CTTNBP2NL: variants seen among roughly 807,000 people sequenced by gnomAD.
CTTNBP2NL encodes CTTNBP2 N-terminal like, also known as CTTNBP2 N-terminal-like protein.
Under a neutral mutation model 32.5 loss-of-function variants are expected in CTTNBP2NL, and 16 were observed. That is an observed-to-expected ratio of 0.49 (90% CI 0.33 to 0.75). CTTNBP2NL has a LOEUF of 0.75. Among genes scored for constraint, CTTNBP2NL ranks in the 30% least tolerant of loss-of-function variants. The pLI is 0.02. For missense variants in CTTNBP2NL, 645 were observed against 756.0 expected, an observed-to-expected ratio of 0.85 and a Z score of 1.72; for synonymous variants, 298 against 289.4, an observed-to-expected ratio of 1.03 and a Z score of -0.30.
At chr1:112,432,645 A>G (rs566015550) in intron 3 of CTTNBP2NL, among the ~76,000 whole-genome samples, 30 of 151,538 alleles carry the variant, frequency 2.0e-4, no homozygotes, top group Non-Finnish European at 2.2e-4. Context: ...CTTCATGACC[A>G]TACTCCATCA....
intron 3 of CTTNBP2NL, among the ~76,000 whole-genome samples, chr1:112,432,708 A>C (rs1649603862): frequency 6.7e-6 from 1 of 150,228 alleles, no homozygotes; most frequent in African/African-American, 2.5e-5. Context: ...TAATACTACT[A>C]CTTATTTTTG....
rs1557890242 is a variant in CTTNBP2NL at position 112,425,991 on chromosome 1, G to GTGTGTGTGTGTGTGTGTGTT, written c.99+9740_99+9741insGTGTGTTTGTGTGTGTGTGT. Among the ~76,000 whole-genome samples the GTGTGTGTGTGTGTGTGTGTT allele has an allele frequency of 8.9e-5, 12 of 134,916 alleles. 1 individual carries two copies. Among genetic ancestry groups the GTGTGTGTGTGTGTGTGTGTT allele is most frequent in the Non-Finnish European group, 1.3e-4 (8 of 60,238 alleles). The allele number at this position is 134,916 out of a possible 152,430, so 88.5% of individuals were successfully genotyped here. On this transcript the variant is annotated intron_variant, in intron 3 of 5. Transcript: ENST00000271277. ...TGTGTGTGTGTGTGTGTGTGTGTGT[G>GTGTGTGTGTGTGTGTGTGTT]TGTGTGTGTGTGTCTGTCTGTCTTA...
At chr1:112,407,783 A>T (rs1648711697) in intron 1 of CTTNBP2NL, among the ~76,000 whole-genome samples, 3 of 150,934 alleles carry the variant, frequency 2.0e-5, no homozygotes, top group African/African-American at 7.3e-5. Context: ...ATCAGTTATT[A>T]TACCTTGATT....
At chr1:112,435,665 C>T (rs1201825957) in intron 3 of CTTNBP2NL, among the ~76,000 whole-genome samples, 3 of 152,050 alleles carry the variant, frequency 2.0e-5, no homozygotes, top group Admixed American at 6.5e-5. Flanking sequence ...GCATTGTGTT[C>T]GTTCTTTATT....
At chr1:112,452,907 G>A (rs1022886622) in intron 4 of CTTNBP2NL, among the ~76,000 whole-genome samples, 1 of 151,470 alleles carries the variant, frequency 6.6e-6, no homozygotes, top group East Asian at 1.9e-4. Flanking sequence ...AGGACCACTT[G>A]AGTCCAGGTG....
At chr1:112,429,252 G>A (rs1300734549) in intron 3 of CTTNBP2NL, among the ~76,000 whole-genome samples, 1 of 152,182 alleles carries the variant, frequency 6.6e-6, no homozygotes, top group Non-Finnish European at 1.5e-5. Context: ...GATAAAATGT[G>A]TTTCATTAAA....
chr1:112,420,110 G>A (rs1649180277), intron 3 of CTTNBP2NL, among the ~76,000 whole-genome samples: 1 of 149,826 alleles, frequency 6.7e-6, no homozygotes. Context: ...GTGACCATTT[G>A]TGGCCACATT....
intron 1 of CTTNBP2NL, among the ~76,000 whole-genome samples, chr1:112,398,834 A>C (rs1282094078): frequency 6.6e-6 from 1 of 151,716 alleles, no homozygotes; most frequent in Non-Finnish European, 1.5e-5. Flanking sequence ...AAAAAAAAAA[A>C]AAGTTAAAAA....
At chr1:112,393,707 ACT>A (rs1418215842), upstream of CTTNBP2NL, among the ~76,000 whole-genome samples, 1 of 152,072 alleles carries the variant, frequency 6.6e-6, no homozygotes, top group Non-Finnish European at 1.5e-5. Flanking sequence ...CACCCTCAAG[ACT>A]CTGAATCCTA....
At chr1:112,413,912 A>G (rs6666369) in intron 2 of CTTNBP2NL, among the ~76,000 whole-genome samples, 85,062 of 151,564 alleles carry the variant, frequency 0.56, 24,809 homozygotes, top group South Asian at 0.71. Context: ...GCTGGGCATG[A>G]TGGCATGTGC....
intron 3 of CTTNBP2NL, among the ~76,000 whole-genome samples, chr1:112,422,305 T>C (rs1475910121): frequency 1.3e-5 from 2 of 152,248 alleles, no homozygotes; most frequent in Non-Finnish European, 2.9e-5. Context: ...CATGTCGTTG[T>C]GTATATTGAT....
chr1:112,425,985 GTGTGTGTGTGTGTGTGTGTC>G lies in CTTNBP2NL; in HGVS notation c.99+9725_99+9744del, dbSNP rs1432910244. Among the ~76,000 whole-genome samples, 110 of 128,522 alleles carry G rather than the reference GTGTGTGTGTGTGTGTGTGTC, an allele frequency of 8.6e-4. 1 individual carries two copies. The highest frequency in any genetic ancestry group is 2.4e-3 in the African/African-American group (93 of 39,174). 84.3% of individuals were successfully genotyped at this position (128,522 alleles called of 152,430 possible). A position where few individuals can be genotyped will look rare whatever the true frequency, so the allele number is the denominator to read the frequency against. On this transcript the variant is annotated intron_variant, in intron 3 of 5. Coordinates refer to ENST00000271277, the MANE Select transcript of CTTNBP2NL (RefSeq NM_018704.3). Reference sequence around the variant, plus strand: ...TGTGTGTGTGTGTGTGTGTGTGTGTGTGTGTGTGTGTGTGTGTGTCTGTCTGTCTTACTACATTGGCTAGA... The same window carrying G: ...TGTGTGTGTGTGTGTGTGTGTGTGTGTGTCTGTCTTACTACATTGGCTAGA...
At chr1:112,451,278 T>TA (rs780667014) in intron 4 of CTTNBP2NL, among the ~76,000 whole-genome samples, 1 of 151,046 alleles carries the variant, frequency 6.6e-6, no homozygotes, top group Non-Finnish European at 1.5e-5. Flanking sequence ...TTCCTCTCCT[T>TA]AACCCTTACC....
intron 3 of CTTNBP2NL, among the ~76,000 whole-genome samples, chr1:112,423,288 G>T (rs1419903505): frequency 6.6e-6 from 1 of 151,718 alleles, no homozygotes; most frequent in Non-Finnish European, 1.5e-5. Context: ...TTTTTTTACA[G>T]TTAAGATACT....
In CTTNBP2NL at chr1:112,458,342, A is replaced by C. The variant is rs1211442042; in HGVS notation, c.*930A>C. The stretch of plus-strand genomic sequence containing the variant: ...TATTATAGGTCAGTCAGAATTATAC[A>C]AGTTTTACCAAATTGTTACACTTAT... On this transcript the variant is annotated 3_prime_UTR_variant, in exon 6 of 6. Transcript: ENST00000271277. 1 of 152,574 alleles carries C rather than the reference A, an allele frequency of 6.6e-6. No individual in the cohort carries two copies. The highest frequency in any genetic ancestry group is 2.4e-5 in the African/African-American group (1 of 41,430). 9.5% of individuals were successfully genotyped at this position (152,574 alleles called of 1,614,324 possible). A position where few individuals can be genotyped will look rare whatever the true frequency, so the allele number is the denominator to read the frequency against.
intron 3 of CTTNBP2NL, among the ~76,000 whole-genome samples, chr1:112,418,856 C>T (rs978337814): frequency 6.6e-6 from 1 of 152,068 alleles, no homozygotes; most frequent in Non-Finnish European, 1.5e-5. Context: ...GATTTGACTG[C>T]TAATAAAATT....
intron 3 of CTTNBP2NL, among the ~76,000 whole-genome samples, chr1:112,428,161 G>A (rs1348780154): frequency 6.6e-6 from 1 of 152,082 alleles, no homozygotes; most frequent in Non-Finnish European, 1.5e-5. Context: ...TGTAGTTTGA[G>A]TGTTAATAGT....
chr1:112,437,792 G>A (rs938215241), intron 3 of CTTNBP2NL, among the ~76,000 whole-genome samples: 2 of 152,106 alleles, frequency 1.3e-5, no homozygotes, highest in African/African-American at 2.4e-5. Context: ...CAAAGTCCTG[G>A]GATTGCAGGT....
chr1:112,403,624 A>G (rs1648571904), intron 1 of CTTNBP2NL, among the ~76,000 whole-genome samples: 2 of 152,240 alleles, frequency 1.3e-5, no homozygotes, highest in African/African-American at 4.8e-5. Context: ...CAGGAAACCC[A>G]TTTCTCAGTC....
Sources: gnomAD v4.1 joint callset for allele counts (sites outside exome capture counted in the v4.1 genomes callset) on GRCh38, gnomAD v4.1.1 for gene constraint, MANE v1.5 for transcripts, NCBI Gene and HGNC (gene_info 2026-07-23, HGNC 2026-07-21) for gene names.